The following PRKCH variants were observed in gnomAD, a reference collection of about 807,000 sequenced individuals.
PRKCH encodes protein kinase C eta type.
In PRKCH, 28 loss-of-function variants were observed where a neutral mutation model predicts 82.5. That is an observed-to-expected ratio of 0.34 (90% confidence interval 0.25 to 0.47). The LOEUF is 0.47. PRKCH is among the 20% of genes least tolerant of loss of function. The pLI is 1.00. For synonymous variants in PRKCH, 322 were observed against 327.4 expected, an observed-to-expected ratio of 0.98 and a Z score of 0.18; for missense variants, 705 against 881.8, an observed-to-expected ratio of 0.80 and a Z score of 2.54.
At chr14:61,532,434 T>C (rs1253195078) in intron 12 of PRKCH, among the ~76,000 whole-genome samples, 1 of 152,220 alleles carries the variant, frequency 6.6e-6, no homozygotes, top group Non-Finnish European at 1.5e-5. Context: ...AATCTAGGTC[T>C]AGTAGAAATC....
intron 1 of PRKCH, chr14:61,277,548 G>C (rs2045214713): frequency 6.6e-6 from 1 of 152,196 alleles, no homozygotes; most frequent in South Asian, 2.1e-4. Flanking sequence ...CAGACAAAAT[G>C]TTACAGCACA....
At position 61,457,580 on chromosome 14, in the gene PRKCH, G is replaced by A; in HGVS notation, c.1179G>A (p.Gln393=). ...VKVLKKDVIL[Q]DDDVECTMTE... is the part of the protein sequence containing the mutation. ...TGCTGAAGAAGGACGTGATTCTGCAGGATGATGATGTGGAATGCACCATGA... is the reference window on the plus strand; with the variant it reads ...TGCTGAAGAAGGACGTGATTCTGCAAGATGATGATGTGGAATGCACCATGA... Residue 393 remains glutamine (Q), a synonymous_variant, in exon 9 of 14, where the codon CAG becomes CAA. Coordinates refer to ENST00000332981, the MANE Select transcript of PRKCH (RefSeq NM_006255.5). 6.2e-7 allele frequency: 1 copy of A among 1,614,134 alleles called. No individual in the cohort carries two copies. Among genetic ancestry groups the A allele is most frequent in the Non-Finnish European group, 8.5e-7 (1 of 1,180,018 alleles).
At chr14:61,242,407 G>C (rs916206607) in intron 1 of PRKCH, among the ~76,000 whole-genome samples, 2 of 152,186 alleles carry the variant, frequency 1.3e-5, no homozygotes, top group Non-Finnish European at 2.9e-5. Context: ...ATGTTTGTTT[G>C]TTTGTTTTTT....
chr14:61,364,954 A>C (rs535070122), intron 1 of PRKCH, among the ~76,000 whole-genome samples: 2 of 152,064 alleles, frequency 1.3e-5, no homozygotes, highest in African/African-American at 4.8e-5. Context: ...TAAAAAGCAG[A>C]TGTAATAGAA....
chr14:61,531,467 G>A (rs2043043246), intron 12 of PRKCH, among the ~76,000 whole-genome samples: 1 of 152,208 alleles, frequency 6.6e-6, no homozygotes, highest in Non-Finnish European at 1.5e-5. Flanking sequence ...AAAGCAAAAT[G>A]TGGGAAATAT....
Position 61,512,249 on chromosome 14 carries a change from C to CTTT in PRKCH, c.1434-16805_1434-16803dup, listed in dbSNP as rs11342820. ...AAACTGGGCAGATGATCACATGACC[C>CTTT]TTTTTTTTTTTTTTTTTTTTTTTAA... On this transcript the variant is annotated intron_variant, in intron 10 of 13. Coordinates refer to ENST00000332981, the MANE Select transcript of PRKCH (RefSeq NM_006255.5). Among the ~76,000 whole-genome samples, 77 of 118,518 alleles carry CTTT rather than the reference C, an allele frequency of 6.5e-4. 1 individual carries two copies. The highest frequency in any genetic ancestry group is 2.3e-3 in the African/African-American group (66 of 29,186). 77.8% of individuals were successfully genotyped at this position (118,518 alleles called of 152,430 possible). A position where few individuals can be genotyped will look rare whatever the true frequency, so the allele number is the denominator to read the frequency against.
chr14:61,327,461 G>GTATGT (rs2045713504), intron 1 of PRKCH, among the ~76,000 whole-genome samples: 1 of 152,150 alleles, frequency 6.6e-6, no homozygotes, highest in South Asian at 2.1e-4. Context: ...GAATCTTGAG[G>GTATGT]GAGTTTTATT....
chr14:61,435,700 A>G (rs1883642629), intron 2 of PRKCH, among the ~76,000 whole-genome samples: 1 of 62,656 alleles, frequency 1.6e-5, no homozygotes, highest in East Asian at 4.6e-4. Context: ...CCTTATCTCA[A>G]TATAAATGAA....
intron 2 of PRKCH, among the ~76,000 whole-genome samples, chr14:61,416,849 G>A (rs574367573): frequency 6.6e-6 from 1 of 152,282 alleles, no homozygotes; most frequent in South Asian, 2.1e-4. Flanking sequence ...GACTCATTCT[G>A]ACTTTGAGGA....
intron 1 of PRKCH, among the ~76,000 whole-genome samples, chr14:61,294,572 A>G (rs1243185979): frequency 6.6e-6 from 1 of 152,120 alleles, no homozygotes. Flanking sequence ...TCAAGTCACA[A>G]ATAAAAATCT....
intron 10 of PRKCH, among the ~76,000 whole-genome samples, chr14:61,518,142 A>G (rs146531033): frequency 5.4e-4 from 83 of 152,310 alleles, no homozygotes; most frequent in African/African-American, 1.9e-3. Context: ...AGTCTGTGCT[A>G]TCAGAGCAAG....
intron 1 of PRKCH, among the ~76,000 whole-genome samples, chr14:61,359,384 T>C (rs1284338921): frequency 6.6e-6 from 1 of 152,248 alleles, no homozygotes; most frequent in Non-Finnish European, 1.5e-5. Context: ...AAATGATTGC[T>C]GTGAAAAATA....
chr14:61,545,410 C>T (rs1286612827), intron 12 of PRKCH: 1 of 152,214 alleles, frequency 6.6e-6, no homozygotes, highest in Non-Finnish European at 1.5e-5. Flanking sequence ...TGATTCTTCC[C>T]CCTTCTCTTG....
intron 1 of PRKCH, among the ~76,000 whole-genome samples, chr14:61,368,466 G>A (rs2046326674): frequency 6.6e-6 from 1 of 152,074 alleles, no homozygotes; most frequent in South Asian, 2.1e-4. Flanking sequence ...GACACAAGGA[G>A]ACTCCTCCAG....
chr14:61,443,656 T>TAA (rs1884081246), intron 3 of PRKCH, among the ~76,000 whole-genome samples: 1 of 152,184 alleles, frequency 6.6e-6, no homozygotes, highest in African/African-American at 2.4e-5. Context: ...TTATGGAAAT[T>TAA]AATGGTTGCG....
chr14:61,546,455 T>C (rs1277023837), intron 12 of PRKCH, among the ~76,000 whole-genome samples: 1 of 152,236 alleles, frequency 6.6e-6, no homozygotes, highest in Non-Finnish European at 1.5e-5. Flanking sequence ...TGAAGCTTTT[T>C]TGAAAGCATT....
chr14:61,469,069 C>T (rs893538253), intron 9 of PRKCH, among the ~76,000 whole-genome samples: 3 of 152,172 alleles, frequency 2.0e-5, no homozygotes, highest in African/African-American at 7.2e-5. Flanking sequence ...ATCCCACTGA[C>T]TGAATGCTAG....
At chr14:61,466,254 GC>G (rs1885250533) in intron 9 of PRKCH, among the ~76,000 whole-genome samples, 1 of 152,210 alleles carries the variant, frequency 6.6e-6, no homozygotes, top group Non-Finnish European at 1.5e-5. Context: ...GGAGGAATAA[GC>G]CATTATTAAG....
chr14:61,523,977 G>A (rs972503425), intron 10 of PRKCH, among the ~76,000 whole-genome samples: 2 of 152,204 alleles, frequency 1.3e-5, no homozygotes, highest in Non-Finnish European at 2.9e-5. Flanking sequence ...TGATCAGTAT[G>A]GGAGTTGTGT....
Sources: gnomAD v4.1 joint callset for allele counts (sites outside exome capture counted in the v4.1 genomes callset) on GRCh38, gnomAD v4.1.1 for gene constraint, MANE v1.5 for transcripts, NCBI Gene and HGNC (gene_info 2026-07-23, HGNC 2026-07-21) for gene names.